Variants in NVL observed in about 807,000 individuals in gnomAD.
NVL encodes the protein nuclear valosin-containing protein-like.
NVL carries 84 observed loss-of-function variants against 110.2 expected under a neutral mutation model. The ratio of observed to expected loss-of-function variants is 0.76; its 90% CI spans 0.64 to 0.91. The LOEUF is 0.91. Ranked by LOEUF, NVL falls within the 40% of genes least tolerant of loss-of-function variation. NVL has a pLI of 0.00. For missense variants in NVL, 882 were observed against 1,035.9 expected (o/e 0.85, Z 2.04); for synonymous variants, 354 against 361.1 (o/e 0.98, Z 0.22).
At chr1:224,274,035 A>AAC (rs1224878158) in intron 17 of NVL, among the ~76,000 whole-genome samples, 53 of 145,644 alleles carry the variant, frequency 3.6e-4, no homozygotes, top group African/African-American at 1.0e-3. Context: ...ATGACCTAAC[A>AAC]ACACACACAC....
intron 6 of NVL, chr1:224,305,384 T>C (rs762930753): frequency 9.5e-5 from 45 of 474,304 alleles, no homozygotes; most frequent in Non-Finnish European, 1.4e-4. Flanking sequence ...CATTTGGTGC[T>C]GGCCTTGGCA....
rs758732725 is a variant in NVL at position 224,281,166 on chromosome 1, C to T, written c.1919G>A (p.Gly640Glu). ...GCCCTTGACAGATATAAAATTTAGT[C>T]CGGACTCATTTGCAACAGCCTAGCA... is the stretch of plus-strand genomic sequence containing the variant. The part of the protein sequence containing the change: ...LLAKAVANES[G>E]LNFISVKGPE... The change falls in exon 16 of 23, where the codon GGA becomes GAA. Residue 640 changes from glycine (G) to glutamate (E), a missense_variant. By Grantham distance (98) the Gly-to-Glu change is moderately conservative (BLOSUM62 -2). Coordinates refer to ENST00000281701, the MANE Select transcript of NVL (RefSeq NM_002533.4). 4 of 1,613,792 alleles carry T rather than the reference C, an allele frequency of 2.5e-6. No individual in the cohort carries two copies. Among genetic ancestry groups the T allele is most frequent in the African/African-American group, 1.3e-5 (1 of 74,956 alleles).
At chr1:224,233,119 C>A in intron 21 of NVL, 82 bp downstream of exon 21, 1 of 1,143,036 alleles carries the variant, frequency 8.7e-7, no homozygotes, top group East Asian at 2.4e-5. Context: ...AGATAATAGA[C>A]ACTAGAAAAT....
Position 224,309,047 on chromosome 1 carries a change from C to T in NVL, c.343-784G>A, listed in dbSNP as rs192358279. ...CTGCACTCCAGCCTGGGTGACAGAG[C>T]GGGACTCTGTCTCAACAAAAAAAAA... On this transcript the variant is annotated intron_variant, in intron 5 of 22. Coordinates refer to ENST00000281701, the MANE Select transcript of NVL (RefSeq NM_002533.4). Among the ~76,000 whole-genome samples the T allele has an allele frequency of 4.7e-4, 56 of 119,662 alleles. 1 individual carries two copies. In the East Asian group the frequency reaches 9.3e-3, roughly 20 times the overall value. 78.5% of individuals were successfully genotyped at this position (119,662 alleles called of 152,430 possible). A position where few individuals can be genotyped will look rare whatever the true frequency, so the allele number is the denominator to read the frequency against.
chr1:224,228,856 G>A lies in NVL; in HGVS notation c.2527-1186C>T, dbSNP rs376169962. Among the ~76,000 whole-genome samples the A allele has an allele frequency of 1.1e-4, 14 of 132,844 alleles. No individual in the cohort carries two copies. The East Asian group carries it at 3.1e-3, about 29-fold the overall frequency. The allele number at this position is 132,844 out of a possible 152,430, so 87.2% of individuals were successfully genotyped here. A position where few individuals can be genotyped will look rare whatever the true frequency, so the allele number is the denominator to read the frequency against. On this transcript the variant is annotated intron_variant, in intron 22 of 22. Coordinates refer to ENST00000281701, the MANE Select transcript of NVL (RefSeq NM_002533.4). ...CGGGAGGCTGAGGCAGGAGAATGGT[G>A]TGAACCTGGGAGGCGGAGCTTGCAG...
chr1:224,270,166 A>T (rs997308476), intron 17 of NVL, among the ~76,000 whole-genome samples: 4 of 152,098 alleles, frequency 2.6e-5, no homozygotes, highest in Admixed American at 2.0e-4. Context: ...ATACTCAAAA[A>T]TATAAGGAAG....
chr1:224,320,300 A>G (rs931178422), intron 2 of NVL, among the ~76,000 whole-genome samples: 1 of 152,198 alleles, frequency 6.6e-6, no homozygotes, highest in African/African-American at 2.4e-5. Context: ...ATAAAGGGAC[A>G]TTCTAGGTAG....
chr1:224,317,393 C>T (rs1389459291), intron 4 of NVL, among the ~76,000 whole-genome samples: 1 of 151,958 alleles, frequency 6.6e-6, no homozygotes, highest in Non-Finnish European at 1.5e-5. Context: ...GCTAAGGAAA[C>T]ATTTAAAAAG....
intron 1 of NVL, among the ~76,000 whole-genome samples, chr1:224,329,805 C>T (rs1171246795): frequency 6.6e-6 from 1 of 152,226 alleles, no homozygotes; most frequent in Non-Finnish European, 1.5e-5. Context: ...ACTGAATGAT[C>T]TGCGCTGAAG....
chr1:224,278,455 T>C (rs1665992948), intron 16 of NVL, among the ~76,000 whole-genome samples: 1 of 152,064 alleles, frequency 6.6e-6, no homozygotes, highest in African/African-American at 2.4e-5. Flanking sequence ...GGTCTTAAAT[T>C]CTTGACCTCA....
chr1:224,308,316 T>C, intron 5 of NVL, 53 bp from the exon 6 acceptor site: 1 of 1,501,170 alleles, frequency 6.7e-7, no homozygotes. Flanking sequence ...CAGGTACTCA[T>C]AAAAGTTGTA....
rs780597513 is a variant in NVL, at chr1:224,231,241, T to C, written c.2511A>G (p.Ser837=). The C allele has an allele frequency of 2.5e-6, 4 of 1,612,180 alleles. No homozygotes were observed. Among genetic ancestry groups the C allele is most frequent in the Non-Finnish European group, 3.4e-6 (4 of 1,179,078 alleles). The change falls in exon 22 of 23, where the codon TCA becomes TCG. Residue 837 remains serine, a synonymous_variant. Coordinates refer to ENST00000281701, the MANE Select transcript of NVL (RefSeq NM_002533.4). ...CATTGCTTACCTTTTTTGATATAGA[T>C]GATCTTACTTTCTTGAAAGCTTCTT... ...HFEEAFKKVR[S]SISKKDQIMY... is the part of the protein sequence containing the mutation.
At chr1:224,266,468 C>T (rs1440931667) in intron 18 of NVL, among the ~76,000 whole-genome samples, 1 of 152,190 alleles carries the variant, frequency 6.6e-6, no homozygotes, top group African/African-American at 2.4e-5. Flanking sequence ...TGCTCTTGTG[C>T]TCTTCTACCC....
intron 19 of NVL, among the ~76,000 whole-genome samples, chr1:224,245,591 A>G (rs983166324): frequency 2.6e-5 from 4 of 152,100 alleles, no homozygotes; most frequent in African/African-American, 9.7e-5. Context: ...TAAACTAACA[A>G]AAGCCCTTCT....
At chr1:224,250,185 C>CA (rs1220532526) in intron 19 of NVL, 27 bp downstream of exon 19, 1 of 1,601,186 alleles carries the variant, frequency 6.2e-7, no homozygotes, top group African/African-American at 1.4e-5. Flanking sequence ...GAAACATATA[C>CA]AAAAATATAC....
At chr1:224,298,558 G>A in intron 10 of NVL, 1 of 221,294 alleles carries the variant, frequency 4.5e-6, no homozygotes, top group Non-Finnish European at 9.6e-6. Context: ...ATAGGAAGGA[G>A]CCTGAACTGC....
At chr1:224,290,884 T>C (rs898842469) in intron 12 of NVL, among the ~76,000 whole-genome samples, 1 of 151,382 alleles carries the variant, frequency 6.6e-6, no homozygotes, top group African/African-American at 2.4e-5. Context: ...GAAGGAGAAT[T>C]GCTTGAACCG....
At position 224,260,362 on chromosome 1, in the gene NVL, G is replaced by A. The variant is rs151324777; in HGVS notation, c.2182+7672C>T. ...CAACCTCCACCTCCCGAGTTCCAGCGATTCTCCTGCCTCAGTCTCCTGAGT... is the reference window on the plus strand; with the variant it reads ...CAACCTCCACCTCCCGAGTTCCAGCAATTCTCCTGCCTCAGTCTCCTGAGT... On this transcript the variant is annotated intron_variant, in intron 18 of 22. Transcript: ENST00000281701. Among the ~76,000 whole-genome samples the A allele has an allele frequency of 8.6e-3, 1,309 of 152,084 alleles. 21 individuals are homozygous for A. Among genetic ancestry groups the A allele is most frequent in the African/African-American group, 0.029 (1,208 of 41,496 alleles).
intron 15 of NVL, 99 bp from the exon 16 acceptor site, chr1:224,281,284 CGTGTGTGTGTGT>C (rs34156240): frequency 9.8e-5 from 54 of 553,228 alleles, no homozygotes; most frequent in South Asian, 7.6e-4. Context: ...ACTCTGTGTG[CGTGTGTGTGTGT>C]GTGTGTGTGT....
Sources: gnomAD v4.1 joint callset for allele counts (sites outside exome capture counted in the v4.1 genomes callset) on GRCh38, gnomAD v4.1.1 for gene constraint, MANE v1.5 for transcripts, NCBI Gene and HGNC (gene_info 2026-07-23, HGNC 2026-07-21) for gene names.